The following FRG1 variants were observed in gnomAD, a reference collection of about 807,000 sequenced individuals.
FRG1 encodes the protein FSHD region gene 1, also known as protein FRG1.
In FRG1, 19 loss-of-function variants were observed where a neutral mutation model predicts 37.0. The observed-to-expected ratio is 0.51, with a 90% CI of 0.36 to 0.75. FRG1 has a LOEUF of 0.75. Among genes scored for constraint, FRG1 ranks in the 30% least tolerant of loss-of-function variants. FRG1 has a pLI of 0.00. For synonymous variants in FRG1, 73 were observed against 96.5 expected (o/e 0.76, Z 1.43); for missense variants, 243 against 301.4 (o/e 0.81, Z 1.44).
At chr4:189,944,029 A>G (rs979829152) in intron 2 of FRG1, among the ~76,000 whole-genome samples, 7 of 152,200 alleles carry the variant, frequency 4.6e-5, no homozygotes, top group Non-Finnish European at 2.9e-5. Flanking sequence ...GAAAATGCCA[A>G]AAGTTTTCTA....
intron 1 of FRG1, among the ~76,000 whole-genome samples, chr4:189,941,397 A>C (rs997863178): frequency 6.6e-6 from 1 of 152,058 alleles, no homozygotes; most frequent in African/African-American, 2.4e-5. Flanking sequence ...AGTTCATGAT[A>C]ATTTCCTTTA....
At chr4:189,946,861 G>A (rs1736550778) in intron 2 of FRG1, among the ~76,000 whole-genome samples, 1 of 151,520 alleles carries the variant, frequency 6.6e-6, no homozygotes, top group Non-Finnish European at 1.5e-5. Flanking sequence ...TTGTTTGTTT[G>A]TTTTTTTGGA....
At chr4:189,941,688 GA>G (rs1736309176) in intron 1 of FRG1, 3 of 216,546 alleles carry the variant, frequency 1.4e-5, no homozygotes, top group South Asian at 4.8e-5. Flanking sequence ...TATACTTTTA[GA>G]AGACTGTGAG....
At chr4:189,960,317 G>A (rs1737174491) in intron 6 of FRG1, among the ~76,000 whole-genome samples, 1 of 152,220 alleles carries the variant, frequency 6.6e-6, no homozygotes. Flanking sequence ...GTTGTGTAAT[G>A]TTAAAAGTTT....
chr4:189,957,383 A>T lies in FRG1; in HGVS notation c.433-15A>T, dbSNP rs547064801. On this transcript the variant is annotated splice_polypyrimidine_tract_variant and intron_variant, in intron 5 of 8. Transcript: ENST00000226798. ...GAAGTATCCTCATGGCTATTTTGTT[A>T]TTTGTTTCACTTAGGGGAAAATGGC... is the stretch of plus-strand genomic sequence containing the variant. The T allele has an allele frequency of 1.3e-6, 2 of 1,530,472 alleles. No homozygotes were observed. The highest frequency in any genetic ancestry group is 2.4e-5 in the East Asian group (1 of 42,086). The allele number at this position is 1,530,472 out of a possible 1,614,324, so 94.8% of individuals were successfully genotyped here.
In FRG1 at chr4:189,943,243, A is replaced by G; in HGVS notation, c.104A>G (p.Glu35Gly). The change falls in exon 2 of 9, where the codon GAA becomes GGA. Residue 35 changes from glutamate (E) to glycine (G), a missense_variant. By Grantham distance (98) the Glu-to-Gly change is moderately conservative. Transcript: ENST00000226798. ...KSKDKKRKRE[E>G]DEETQLDIVG... ...AAAGATAAGAAAAGAAAAAGAGAAG[A>G]AGATGAAGAAACCCAGCTTGATATT... 1 of 1,609,026 alleles carries G rather than the reference A, an allele frequency of 6.2e-7. No individual in the cohort carries two copies. Among genetic ancestry groups the G allele is most frequent in the Non-Finnish European group, 8.5e-7 (1 of 1,177,406 alleles).
Position 189,940,947 on chromosome 4 carries a change from C to A in FRG1, c.-63C>A. The A allele has an allele frequency of 7.3e-7, 1 of 1,360,754 alleles. No individual in the cohort carries two copies. The allele number at this position is 1,360,754 out of a possible 1,614,324, so 84.3% of individuals were successfully genotyped here. A position where few individuals can be genotyped will look rare whatever the true frequency, so the allele number is the denominator to read the frequency against. ...TCTGTTTCTCCGCGCCCCTGTGCTGCCCCGACTCACATACTCGTCCAGAAC... is the reference window on the plus strand; with the variant it reads ...TCTGTTTCTCCGCGCCCCTGTGCTGACCCGACTCACATACTCGTCCAGAAC... On this transcript the variant is annotated 5_prime_UTR_variant, in exon 1 of 9. Transcript: ENST00000226798.
chr4:189,955,700 A>AAATGTTTTGTTAAATCTT (rs1736954355), intron 5 of FRG1, among the ~76,000 whole-genome samples: 1 of 152,240 alleles, frequency 6.6e-6, no homozygotes, highest in South Asian at 2.1e-4. Flanking sequence ...ACAGTTGTAT[A>AAATGTTTTGTTAAATCTT]TGGATGTTTT....
chr4:189,941,819 T>C (rs1246993618), intron 1 of FRG1: 2 of 433,856 alleles, frequency 4.6e-6, no homozygotes, highest in Admixed American at 2.6e-5. Flanking sequence ...CCCCGCTTCT[T>C]TTTTAACTGG....
intron 1 of FRG1, among the ~76,000 whole-genome samples, 182 bp downstream of exon 1, chr4:189,941,253 C>T (rs1431457497): frequency 6.6e-6 from 1 of 152,182 alleles, no homozygotes; most frequent in East Asian, 1.9e-4. Flanking sequence ...CAGAGAGGGG[C>T]AGCCTCCCGC....
intron 8 of FRG1, among the ~76,000 whole-genome samples, chr4:189,962,522 G>A (rs553281266): frequency 7.2e-5 from 11 of 152,164 alleles, no homozygotes; most frequent in Admixed American, 1.3e-4. Context: ...ATCACCAGCC[G>A]CTCATTCAAG....
chr4:189,961,792 T>C, intron 7 of FRG1, 30 bp from the exon 8 acceptor site: 1 of 867,392 alleles, frequency 1.2e-6, no homozygotes, highest in East Asian at 2.5e-5. Flanking sequence ...GAGTTTGAGG[T>C]ATTTTTCAAT....
intron 2 of FRG1, among the ~76,000 whole-genome samples, chr4:189,946,689 A>T (rs7376021): frequency 6.6e-6 from 1 of 152,118 alleles, no homozygotes; most frequent in Non-Finnish European, 1.5e-5. Context: ...ATTTAAAAGT[A>T]TATTGTTTTT....
chr4:189,962,193 A>G (rs1250074912), intron 8 of FRG1, among the ~76,000 whole-genome samples: 5 of 152,214 alleles, frequency 3.3e-5, no homozygotes, highest in East Asian at 1.9e-4. Context: ...TAAATTTATC[A>G]TCTTTTTATA....
intron 2 of FRG1, among the ~76,000 whole-genome samples, chr4:189,943,655 C>T (rs1168252168): frequency 6.6e-6 from 1 of 152,154 alleles, no homozygotes; most frequent in African/African-American, 2.4e-5. Flanking sequence ...AGTATCTTCA[C>T]AGGAAAAATC....
chr4:189,946,311 C>CAAAAA (rs34356772), intron 2 of FRG1, among the ~76,000 whole-genome samples: 3 of 105,648 alleles, frequency 2.8e-5, no homozygotes, highest in Non-Finnish European at 6.0e-5. Flanking sequence ...GCTGATAAGC[C>CAAAAA]AAAAAAAAAA....
intron 4 of FRG1, 51 bp from the exon 5 acceptor site, chr4:189,954,986 T>C: frequency 4.4e-6 from 5 of 1,124,670 alleles, no homozygotes; most frequent in Non-Finnish European, 6.7e-6. Flanking sequence ...TGATGTCCTA[T>C]AATTAATTTT....
At chr4:189,957,214 TA>T (rs1337743999) in intron 5 of FRG1, among the ~76,000 whole-genome samples, 183 bp from the exon 6 acceptor site, 2 of 152,270 alleles carry the variant, frequency 1.3e-5, no homozygotes, top group African/African-American at 4.8e-5. Context: ...AATCTTTGAA[TA>T]GTAAAATGAT....
intron 2 of FRG1, among the ~76,000 whole-genome samples, chr4:189,946,087 G>T (rs1205065629): frequency 6.6e-6 from 1 of 152,162 alleles, no homozygotes; most frequent in African/African-American, 2.4e-5. Flanking sequence ...AATCTCATCT[G>T]TATTGCAGTC....
Sources: allele counts gnomAD v4.1 joint callset (sites outside exome capture counted in the v4.1 genomes callset), GRCh38; gene constraint gnomAD v4.1.1; transcripts MANE v1.5; gene names NCBI Gene and HGNC (gene_info 2026-07-23, HGNC 2026-07-21).